The following SASH1 variants were observed in gnomAD, a reference collection of about 807,000 sequenced individuals.
SASH1 encodes SAM and SH3 domain-containing protein 1.
In SASH1, 44 loss-of-function variants were observed where a neutral mutation model predicts 125.2. That is an observed-to-expected ratio of 0.35 (90% confidence interval 0.28 to 0.45). The LOEUF (loss-of-function observed/expected upper bound fraction) is 0.45. Among genes scored for constraint, SASH1 ranks in the 20% least tolerant of loss-of-function variants. The probability of loss-of-function intolerance (pLI) is 1.00; values close to 1 mark genes in which losing one functional copy is unlikely to be tolerated. For synonymous variants in SASH1, 639 were observed against 649.1 expected (o/e 0.98, Z 0.24); for missense variants, 1,426 against 1,614.5 (o/e 0.88, Z 2.00).
At chr6:148,547,892 A>C (rs1782657047) in intron 19 of SASH1, among the ~76,000 whole-genome samples, 2 of 152,220 alleles carry the variant, frequency 1.3e-5, no homozygotes, top group Non-Finnish European at 2.9e-5. Context: ...TACAGTGGAA[A>C]GTCTCCTTTA....
chr6:148,311,957 A>G (rs1008010827), intron 1 of SASH1, among the ~76,000 whole-genome samples: 3 of 152,234 alleles, frequency 2.0e-5, no homozygotes, highest in Admixed American at 1.3e-4. Context: ...ACGGCTCAGC[A>G]ATAAAAAGCA....
In SASH1 at chr6:148,524,097, T is replaced by TTATA. The variant is rs371819726; in HGVS notation, c.1210-1172_1210-1169dup. ...GTTTCTACTTTATCAATTCAGTTAATTATATATATATATATATATATATAT... is the reference window on the plus strand; with the variant it reads ...GTTTCTACTTTATCAATTCAGTTAATTATATATATATATATATATATATATATAT... On this transcript the variant is annotated intron_variant, in intron 10 of 19. Coordinates refer to ENST00000367467, the MANE Select transcript of SASH1 (RefSeq NM_015278.5). Among the ~76,000 whole-genome samples the TTATA allele has an allele frequency of 4.7e-3, 372 of 79,538 alleles. 2 individuals carry two copies. Among genetic ancestry groups the TTATA allele is most frequent in the Non-Finnish European group, 7.2e-3 (270 of 37,666 alleles). 52.2% of individuals were successfully genotyped at this position (79,538 alleles called of 152,430 possible).
Position 148,474,242 on chromosome 6 carries a change from GTTTATA to G in SASH1, c.627+24_627+29del. ...GCTAGGGTAAGCATGCAGATACCTGGTTTATATTTGTGAGGACTTGACTTTCTGAAG... is the reference window on the plus strand; with the variant it reads ...GCTAGGGTAAGCATGCAGATACCTGGTTTGTGAGGACTTGACTTTCTGAAG... On this transcript the variant is annotated intron_variant, in intron 7 of 19. Transcript: ENST00000367467. 1 of 1,460,960 alleles carries G rather than the reference GTTTATA, an allele frequency of 6.8e-7. No individual in the cohort carries two copies. Among genetic ancestry groups the G allele is most frequent in the Non-Finnish European group, 9.5e-7 (1 of 1,057,138 alleles). 90.5% of individuals were successfully genotyped at this position (1,460,960 alleles called of 1,614,324 possible). A position where few individuals can be genotyped will look rare whatever the true frequency, so the allele number is the denominator to read the frequency against.
chr6:148,438,027 A>G (rs940594208), intron 2 of SASH1, among the ~76,000 whole-genome samples: 11 of 152,214 alleles, frequency 7.2e-5, no homozygotes, highest in African/African-American at 2.2e-4. Context: ...TGAGGTAGAA[A>G]CTTAGAGCTT....
chr6:148,408,479 A>G (rs1431520601), intron 2 of SASH1, among the ~76,000 whole-genome samples: 2 of 152,102 alleles, frequency 1.3e-5, no homozygotes, highest in African/African-American at 2.4e-5. Context: ...TTCCCCATTT[A>G]TGAGTTGGAT....
intron 1 of SASH1, among the ~76,000 whole-genome samples, chr6:148,307,033 T>TTTCC (rs1491438817): frequency 2.2e-5 from 1 of 44,756 alleles, no homozygotes. Context: ...CTTTTCTTTC[T>TTTCC]TTCTTTCTTT....
At chr6:148,470,088 G>C (rs145071082) in intron 5 of SASH1, among the ~76,000 whole-genome samples, 1 of 151,762 alleles carries the variant, frequency 6.6e-6, no homozygotes, top group East Asian at 1.9e-4. Context: ...GAATATTCCC[G>C]AACTGTCCAA....
intron 2 of SASH1, among the ~76,000 whole-genome samples, chr6:148,392,847 A>G (rs890108715): frequency 3.9e-5 from 6 of 152,144 alleles, no homozygotes; most frequent in Admixed American, 6.5e-5. Context: ...GTTCCTTGAC[A>G]TGTGTGAATG....
intron 11 of SASH1, among the ~76,000 whole-genome samples, chr6:148,526,853 G>A (rs1338918912): frequency 6.7e-6 from 1 of 149,584 alleles, no homozygotes; most frequent in Non-Finnish European, 1.5e-5. Flanking sequence ...ATGAACATTG[G>A]TTCATGTAAA....
chr6:148,476,933 T>C (rs1778389108), intron 7 of SASH1, among the ~76,000 whole-genome samples: 1 of 152,180 alleles, frequency 6.6e-6, no homozygotes, highest in African/African-American at 2.4e-5. Context: ...GAACTCACTT[T>C]CAACAAAGGT....
chr6:148,280,635 C>A (rs1042987650), intron 1 of SASH1, among the ~76,000 whole-genome samples: 2 of 152,036 alleles, frequency 1.3e-5, no homozygotes, highest in Non-Finnish European at 2.9e-5. Context: ...TAGAGAGACC[C>A]CGTCCCTACA....
Position 148,534,921 on chromosome 6 carries a change from G to T in SASH1, c.2095+20G>T, listed in dbSNP as rs780665090. 8 of 1,613,740 alleles carry T rather than the reference G, an allele frequency of 5.0e-6. No individual in the cohort carries two copies. Among genetic ancestry groups the T allele is most frequent in the Non-Finnish European group, 6.8e-6 (8 of 1,179,776 alleles). On this transcript the variant is annotated intron_variant, in intron 16 of 19. Transcript: ENST00000367467. ...ATGACAGTAAGTCCCTGTATGCACA[G>T]AGGTGTTCCCTGTGAGGTCTGCCAC...
At chr6:148,531,400 G>A (rs1781507443) in intron 12 of SASH1, 126 bp from the exon 13 acceptor site, 2 of 780,588 alleles carry the variant, frequency 2.6e-6, no homozygotes, top group South Asian at 1.0e-4. Context: ...GAGAATATTG[G>A]TTATAGAATC....
At chr6:148,408,807 C>G (rs1022169852) in intron 2 of SASH1, among the ~76,000 whole-genome samples, 2 of 152,180 alleles carry the variant, frequency 1.3e-5, no homozygotes, top group Non-Finnish European at 2.9e-5. Context: ...TTACGTCTTA[C>G]GTTTAGGCCT....
At chr6:148,311,075 A>G (rs894505034) in intron 1 of SASH1, among the ~76,000 whole-genome samples, 2 of 150,786 alleles carry the variant, frequency 1.3e-5, no homozygotes, top group African/African-American at 2.4e-5. Flanking sequence ...CACCACACCT[A>G]AGCTTCTTTT....
intron 4 of SASH1, among the ~76,000 whole-genome samples, chr6:148,462,405 T>G (rs1355130791): frequency 6.6e-6 from 1 of 152,186 alleles, no homozygotes; most frequent in Non-Finnish European, 1.5e-5. Context: ...TTCATTGCAC[T>G]TTTCTGGTGT....
chr6:148,428,432 G>A (rs1775916927), intron 2 of SASH1, among the ~76,000 whole-genome samples: 2 of 152,124 alleles, frequency 1.3e-5, no homozygotes, highest in Admixed American at 1.3e-4. Flanking sequence ...AAGAGTTCGC[G>A]ACAGCCTGGC....
chr6:148,357,915 C>T (rs1400944276), intron 1 of SASH1, among the ~76,000 whole-genome samples: 1 of 151,826 alleles, frequency 6.6e-6, no homozygotes, highest in African/African-American at 2.4e-5. Flanking sequence ...CAAAAATTAG[C>T]CCGGTGTGGT....
intron 1 of SASH1, among the ~76,000 whole-genome samples, chr6:148,387,652 CTTTCTTTCTTTCTTTCTTTCTTTCT>C: frequency 4.2e-5 from 2 of 47,304 alleles, no homozygotes; most frequent in African/African-American, 1.9e-4. Flanking sequence ...TTCTTTCTTT[CTTTCTTTCTTTCTTTCTTTCTTTCT>C]TTCTTTCTTT....
Sources: gnomAD v4.1 joint callset for allele counts (sites outside exome capture counted in the v4.1 genomes callset) on GRCh38, gnomAD v4.1.1 for gene constraint, MANE v1.5 for transcripts, NCBI Gene and HGNC (gene_info 2026-07-23, HGNC 2026-07-21) for gene names.